Variants in ACSS3 observed in about 807,000 individuals in gnomAD.
The protein encoded by ACSS3 is acyl-CoA synthetase short chain family member 3, also known as acyl-CoA synthetase short-chain family member 3, mitochondrial.
In ACSS3, 64 loss-of-function variants were observed where a neutral mutation model predicts 84.2. That is an observed-to-expected ratio of 0.76 (90% CI 0.62 to 0.94). The LOEUF is 0.94. Among genes scored for constraint, ACSS3 ranks in the 40% least tolerant of loss-of-function variants. The pLI is 0.00. For missense variants in ACSS3, 815 were observed against 867.6 expected (o/e 0.94, Z 0.76); for synonymous variants, 317 against 310.1 (o/e 1.02, Z -0.23).
At chr12:81,091,745 A>C (rs1029258054) in intron 1 of ACSS3, among the ~76,000 whole-genome samples, 1 of 152,134 alleles carries the variant, frequency 6.6e-6, no homozygotes, top group African/African-American at 2.4e-5. Context: ...AAATCTCTTA[A>C]ATTCTAAAAG....
chr12:81,178,471 AAAAT>A (rs1384912436), intron 8 of ACSS3, among the ~76,000 whole-genome samples: 1 of 115,654 alleles, frequency 8.6e-6, no homozygotes, highest in Non-Finnish European at 2.0e-5. Flanking sequence ...TAATAATAAT[AAAAT>A]AAAAAAAAAC....
intron 11 of ACSS3, among the ~76,000 whole-genome samples, chr12:81,227,398 TACACAC>T (rs34993441): frequency 6.7e-5 from 10 of 148,590 alleles, no homozygotes; most frequent in Admixed American, 6.7e-5. Context: ...GAGGACTATT[TACACAC>T]ACACACACAC....
intron 7 of ACSS3, among the ~76,000 whole-genome samples, chr12:81,174,203 A>C (rs1593159416): frequency 6.6e-6 from 1 of 152,140 alleles, no homozygotes; most frequent in Admixed American, 6.5e-5. Context: ...TGAGATTTTT[A>C]TGCATGATTT....
At chr12:81,207,617 A>G (rs2032402041) in intron 9 of ACSS3, among the ~76,000 whole-genome samples, 1 of 152,182 alleles carries the variant, frequency 6.6e-6, no homozygotes. Context: ...TGTAAAGGCC[A>G]TCTTTAGAAT....
chr12:81,106,823 A>G (rs2121483716), intron 1 of ACSS3, among the ~76,000 whole-genome samples: 1 of 152,320 alleles, frequency 6.6e-6, no homozygotes, highest in African/African-American at 2.4e-5. Context: ...GAACCAAACC[A>G]TTACAGAGAC....
intron 8 of ACSS3, among the ~76,000 whole-genome samples, chr12:81,182,808 AC>A (rs925815282): frequency 1.3e-5 from 2 of 152,216 alleles, no homozygotes; most frequent in African/African-American, 4.8e-5. Context: ...ATTTTCTAGA[AC>A]GTACTGTGAA....
At chr12:81,231,605 C>A (rs2033467807) in intron 12 of ACSS3, among the ~76,000 whole-genome samples, 1 of 151,664 alleles carries the variant, frequency 6.6e-6, no homozygotes, top group Admixed American at 6.6e-5. Flanking sequence ...ATTTTTGACA[C>A]CATTTTTTGA....
intron 7 of ACSS3, among the ~76,000 whole-genome samples, chr12:81,152,550 C>T (rs1045513033): frequency 3.9e-5 from 6 of 151,990 alleles, no homozygotes; most frequent in African/African-American, 1.5e-4. Flanking sequence ...TATAGACTGA[C>T]CAGATTTATA....
intron 13 of ACSS3, among the ~76,000 whole-genome samples, chr12:81,241,115 T>G (rs2033787677): frequency 6.6e-6 from 1 of 151,854 alleles, no homozygotes; most frequent in African/African-American, 2.4e-5. Flanking sequence ...GATAGTTTAC[T>G]GAGAATGATG....
At chr12:81,165,208 A>T (rs1361047948) in intron 7 of ACSS3, among the ~76,000 whole-genome samples, 1 of 152,128 alleles carries the variant, frequency 6.6e-6, no homozygotes, top group Non-Finnish European at 1.5e-5. Context: ...AAGCTCAGTT[A>T]TTGTCATAGC....
rs1001940457 is a variant in ACSS3, at chr12:81,139,006, A to G, written c.646-125A>G. 5.8e-6 allele frequency: 6 copies of G among 1,042,668 alleles called. No individual in the cohort carries two copies. The South Asian group carries it at 6.5e-5, about 11-fold the overall frequency. The allele number at this position is 1,042,668 out of a possible 1,614,324, so 64.6% of individuals were successfully genotyped here. ...GGTTTACTGGTTTTCAGACCATTCA[A>G]TAGAAAACAGAAACATTCAGACATT... is the stretch of plus-strand genomic sequence containing the variant. On this transcript the variant is annotated intron_variant, in intron 3 of 15. Coordinates refer to ENST00000548058, the MANE Select transcript of ACSS3 (RefSeq NM_024560.4).
intron 1 of ACSS3, among the ~76,000 whole-genome samples, chr12:81,084,509 C>A (rs78333610): frequency 6.6e-6 from 1 of 151,574 alleles, no homozygotes; most frequent in East Asian, 1.9e-4. Flanking sequence ...ATTAAAGTTA[C>A]GAGGCTGAAA....
chr12:81,156,589 A>G, intron 7 of ACSS3, among the ~76,000 whole-genome samples: 1 of 152,186 alleles, frequency 6.6e-6, no homozygotes, highest in Admixed American at 6.5e-5. Flanking sequence ...ACAAATTACC[A>G]GTACCACATG....
intron 7 of ACSS3, among the ~76,000 whole-genome samples, chr12:81,165,893 A>G (rs1291253352): frequency 6.6e-6 from 1 of 152,174 alleles, no homozygotes; most frequent in African/African-American, 2.4e-5. Context: ...ATTAATAATA[A>G]TTATTATTGA....
rs180945649 is a variant in ACSS3 at position 81,257,453 on chromosome 12, T to G, written c.*2531T>G. 2.3e-3 allele frequency: 350 copies of G among 152,264 alleles called. 3 individuals carry two copies. Among genetic ancestry groups the G allele is most frequent in the African/African-American group, 7.8e-3 (325 of 41,548 alleles). 9.4% of individuals were successfully genotyped at this position (152,264 alleles called of 1,614,324 possible). On this transcript the variant is annotated 3_prime_UTR_variant, in exon 16 of 16. Transcript: ENST00000548058. ...TATCTTTAAAAACAACAATATAATA[T>G]TACTAAAAAATGCAGACATACTTAA... is the stretch of plus-strand genomic sequence containing the variant.
At chr12:81,229,019 C>G (rs2135964868) in intron 11 of ACSS3, among the ~76,000 whole-genome samples, 1 of 151,914 alleles carries the variant, frequency 6.6e-6, no homozygotes, top group South Asian at 2.1e-4. Flanking sequence ...AGCTGTTCCC[C>G]TTGTACCTGG....
intron 8 of ACSS3, among the ~76,000 whole-genome samples, chr12:81,196,478 C>G (rs1038784107): frequency 6.6e-5 from 10 of 151,720 alleles, no homozygotes; most frequent in Non-Finnish European, 8.8e-5. Context: ...TGACCTTATT[C>G]TTTTTTTTCT....
chr12:81,215,703 A>G (rs1204600877), intron 9 of ACSS3, among the ~76,000 whole-genome samples: 1 of 152,172 alleles, frequency 6.6e-6, no homozygotes, highest in African/African-American at 2.4e-5. Context: ...CAAACTTTTC[A>G]CTAACCAAAT....
chr12:81,181,079 G>A (rs1238609915), intron 8 of ACSS3, among the ~76,000 whole-genome samples: 1 of 152,118 alleles, frequency 6.6e-6, no homozygotes, highest in African/African-American at 2.4e-5. Context: ...ATTATGCCCT[G>A]AATCCCAGTG....
Sources: allele counts gnomAD v4.1 joint callset (sites outside exome capture counted in the v4.1 genomes callset), GRCh38; gene constraint gnomAD v4.1.1; transcripts MANE v1.5; gene names NCBI Gene and HGNC (gene_info 2026-07-23, HGNC 2026-07-21).